CCDC28A: variants seen among roughly 807,000 people sequenced by gnomAD.
The protein encoded by CCDC28A is coiled-coil domain-containing protein 28A.
CCDC28A carries 24 observed loss-of-function variants against 22.1 expected under a neutral mutation model. That is an observed-to-expected ratio of 1.09 (90% CI 0.79 to 1.53). The LOEUF (loss-of-function observed/expected upper bound fraction) is 1.53. CCDC28A is among the 40% of genes most tolerant of loss of function. The pLI is 0.00. For synonymous variants in CCDC28A, 83 were observed against 74.7 expected (o/e 1.11, Z -0.57); for missense variants, 170 against 210.7 (o/e 0.81, Z 1.20).
chr6:138,778,277 C>T (rs917759707), intron 2 of CCDC28A, among the ~76,000 whole-genome samples: 39 of 152,050 alleles, frequency 2.6e-4, no homozygotes, highest in Non-Finnish European at 3.7e-4. Context: ...ACTTCCGTGT[C>T]GGGATTTGTA....
At chr6:138,785,433 A>G in intron 4 of CCDC28A, 52 bp downstream of exon 4, 1 of 1,362,528 alleles carries the variant, frequency 7.3e-7, no homozygotes. Context: ...TTGTTGCGAA[A>G]AAATGTACCT....
At chr6:138,791,383 G>C (rs551391988) in intron 5 of CCDC28A, among the ~76,000 whole-genome samples, 90 of 152,134 alleles carry the variant, frequency 5.9e-4, no homozygotes, top group African/African-American at 2.0e-3. Flanking sequence ...CGCCCAGCCT[G>C]CGTTGTATTT....
At chr6:138,776,371 G>A in intron 2 of CCDC28A, 93 bp downstream of exon 2, 1 of 1,081,270 alleles carries the variant, frequency 9.2e-7, no homozygotes, top group Non-Finnish European at 1.4e-6. Context: ...GTCTTGGCTT[G>A]ACTTTTAAAA....
intron 2 of CCDC28A, among the ~76,000 whole-genome samples, chr6:138,777,000 CAG>C (rs1186490475): frequency 7.9e-5 from 12 of 151,702 alleles, no homozygotes; most frequent in Admixed American, 4.6e-4. Flanking sequence ...TTAAAGGAAA[CAG>C]AAGTGACAAG....
At chr6:138,791,539 ACCTGTATGCAC>A (rs1290657586) in intron 5 of CCDC28A, among the ~76,000 whole-genome samples, 1 of 152,032 alleles carries the variant, frequency 6.6e-6, no homozygotes, top group Admixed American at 6.6e-5. Context: ...TTTGGTCACA[ACCTGTATGCAC>A]ATGCTGTTGT....
chr6:138,781,999 T>C (rs1775029117), intron 3 of CCDC28A, among the ~76,000 whole-genome samples: 1 of 152,230 alleles, frequency 6.6e-6, no homozygotes, highest in African/African-American at 2.4e-5. Flanking sequence ...AAATACTTTA[T>C]TGTACCCCTA....
At chr6:138,790,194 C>T (rs1583525385) in intron 5 of CCDC28A, among the ~76,000 whole-genome samples, 1 of 152,042 alleles carries the variant, frequency 6.6e-6, no homozygotes, top group East Asian at 1.9e-4. Context: ...GCCCTGTCGC[C>T]CAGGCTGAAG....
At chr6:138,780,572 ATTTT>A (rs11348177) in intron 3 of CCDC28A, among the ~76,000 whole-genome samples, 1 of 124,130 alleles carries the variant, frequency 8.1e-6, no homozygotes. Flanking sequence ...TTATTTCCCA[ATTTT>A]TTTTTTTTTT....
At chr6:138,783,435 A>ATTT (rs564949933) in intron 3 of CCDC28A, among the ~76,000 whole-genome samples, 2 of 119,114 alleles carry the variant, frequency 1.7e-5, no homozygotes, top group African/African-American at 6.6e-5. Context: ...CACCCAGCTA[A>ATTT]TTTTTTTTTT....
intron 2 of CCDC28A, among the ~76,000 whole-genome samples, chr6:138,778,769 CTTT>C (rs1304442970): frequency 2.9e-5 from 4 of 140,164 alleles, no homozygotes; most frequent in Non-Finnish European, 4.7e-5. Flanking sequence ...GCTACTAAAG[CTTT>C]TTTTTTTTTT....
intron 5 of CCDC28A, among the ~76,000 whole-genome samples, chr6:138,789,528 C>G (rs1268777027): frequency 6.6e-6 from 1 of 152,138 alleles, no homozygotes; most frequent in Non-Finnish European, 1.5e-5. Context: ...GCAGTAACAA[C>G]AATTAAGAAA....
chr6:138,793,123 T>G lies in CCDC28A; in HGVS notation c.*320T>G. 1 of 278,224 alleles carries G rather than the reference T, an allele frequency of 3.6e-6. No individual in the cohort carries two copies. 17.2% of individuals were successfully genotyped at this position (278,224 alleles called of 1,614,324 possible). On this transcript the variant is annotated 3_prime_UTR_variant, in exon 6 of 6. Coordinates refer to ENST00000617445, the MANE Select transcript of CCDC28A (RefSeq NM_015439.3). Reference sequence around the variant, plus strand: ...TCTTGACAGGGCGGAGGGATTTCTCTTTCCTGAGCTCACCAAACTTATTCC... The same window carrying G: ...TCTTGACAGGGCGGAGGGATTTCTCGTTCCTGAGCTCACCAAACTTATTCC...
intron 5 of CCDC28A, among the ~76,000 whole-genome samples, chr6:138,792,528 T>C (rs995899905): frequency 6.8e-6 from 1 of 146,052 alleles, no homozygotes; most frequent in Non-Finnish European, 1.5e-5. Flanking sequence ...TCTCTAAAAT[T>C]TAAAAAAAAA....
chr6:138,773,786 C>G lies in CCDC28A; in HGVS notation c.-159C>G, dbSNP rs767210574. 6.2e-7 allele frequency: 1 copy of G among 1,613,394 alleles called. No homozygotes were observed. The highest frequency in any genetic ancestry group is 2.2e-5 in the East Asian group (1 of 44,896). The stretch of plus-strand genomic sequence containing the variant: ...TCACTTCCGTAAACAAACGGAGCTG[C>G]GGAGGAGCGGGTCCCGGGATGTGAC... On this transcript the variant is annotated 5_prime_UTR_variant, in exon 1 of 6. Transcript: ENST00000617445.
At chr6:138,774,270 C>T (rs2114897253) in intron 1 of CCDC28A, among the ~76,000 whole-genome samples, 1 of 152,298 alleles carries the variant, frequency 6.6e-6, no homozygotes, top group Non-Finnish European at 1.5e-5. Context: ...GGTTTATTTG[C>T]ATTGCTTTAC....
chr6:138,773,823 T>C lies in CCDC28A; in HGVS notation c.-122T>C, dbSNP rs763355946. Reference sequence around the variant, plus strand: ...TCCCGGGATGTGACCGGGGCTCTGCTTGTGGCTGCGGCGGTGGCTTCTGAG... The same window carrying C: ...TCCCGGGATGTGACCGGGGCTCTGCCTGTGGCTGCGGCGGTGGCTTCTGAG... On this transcript the variant is annotated 5_prime_UTR_variant, in exon 1 of 6. Coordinates refer to ENST00000617445, the MANE Select transcript of CCDC28A (RefSeq NM_015439.3). The C allele has an allele frequency of 3.1e-6, 5 of 1,614,108 alleles. No homozygotes were observed. Among genetic ancestry groups the C allele is most frequent in the South Asian group, 1.1e-5 (1 of 91,082 alleles).
chr6:138,781,480 G>A (rs1583521890), intron 3 of CCDC28A, among the ~76,000 whole-genome samples: 1 of 152,176 alleles, frequency 6.6e-6, no homozygotes, highest in South Asian at 2.1e-4. Context: ...TTTAATAGAA[G>A]TATGCAGATT....
At chr6:138,780,378 T>A (rs1300753041) in intron 3 of CCDC28A, among the ~76,000 whole-genome samples, 3 of 152,282 alleles carry the variant, frequency 2.0e-5, no homozygotes, top group Admixed American at 6.5e-5. Context: ...ATTCCTGATT[T>A]AAAGTTAGGA....
intron 3 of CCDC28A, among the ~76,000 whole-genome samples, chr6:138,783,156 G>T (rs980157684): frequency 1.3e-5 from 2 of 151,342 alleles, no homozygotes; most frequent in African/African-American, 4.9e-5. Context: ...ACATAGTGTT[G>T]CTCATGCTTC....
Sources: gnomAD v4.1 joint callset for allele counts (sites outside exome capture counted in the v4.1 genomes callset) on GRCh38, gnomAD v4.1.1 for gene constraint, MANE v1.5 for transcripts, NCBI Gene and HGNC (gene_info 2026-07-23, HGNC 2026-07-21) for gene names.